NDRG3: variants seen among roughly 807,000 people sequenced by gnomAD.
The protein encoded by NDRG3 is protein NDRG3.
NDRG3 carries 23 observed loss-of-function variants against 57.2 expected under a neutral mutation model. The observed-to-expected ratio is 0.40, with a 90% CI of 0.29 to 0.57. NDRG3 has a LOEUF of 0.57. Among genes scored for constraint, NDRG3 ranks in the 20% least tolerant of loss-of-function variants. The probability of loss-of-function intolerance (pLI) is 0.42; values close to 1 mark genes in which losing one functional copy is unlikely to be tolerated. For synonymous variants in NDRG3, 132 were observed against 162.6 expected, an observed-to-expected ratio of 0.81 and a Z score of 1.43; for missense variants, 384 against 457.3, an observed-to-expected ratio of 0.84 and a Z score of 1.46.
At chr20:36,744,402 G>A (rs1986084930) in intron 1 of NDRG3, among the ~76,000 whole-genome samples, 1 of 152,104 alleles carries the variant, frequency 6.6e-6, no homozygotes, top group Admixed American at 6.6e-5. Context: ...AGGGGGGGTG[G>A]AAATTAACTG....
At chr20:36,660,273 C>G in intron 13 of NDRG3, 64 bp downstream of exon 13, 1 of 1,269,488 alleles carries the variant, frequency 7.9e-7, no homozygotes, top group South Asian at 1.3e-5. Flanking sequence ...AGCAATTATT[C>G]CAGAAAATAT....
At chr20:36,686,989 C>T (rs899552365) in intron 5 of NDRG3, among the ~76,000 whole-genome samples, 10 of 151,942 alleles carry the variant, frequency 6.6e-5, no homozygotes, top group Admixed American at 1.3e-4. Flanking sequence ...CAAGCAGACA[C>T]GACCACAGGT....
chr20:36,712,791 T>TAAA (rs1245787682), intron 2 of NDRG3, among the ~76,000 whole-genome samples: 13 of 151,492 alleles, frequency 8.6e-5, no homozygotes, highest in Non-Finnish European at 1.3e-4. Flanking sequence ...GGACAGGGTT[T>TAAA]CACCATGTTG....
At chr20:36,724,404 C>G (rs1431332484) in intron 1 of NDRG3, among the ~76,000 whole-genome samples, 1 of 152,108 alleles carries the variant, frequency 6.6e-6, no homozygotes, top group Non-Finnish European at 1.5e-5. Flanking sequence ...GAAGTTGAAT[C>G]TTTTTTTGTT....
chr20:36,659,679 C>A (rs1299328699), intron 13 of NDRG3, among the ~76,000 whole-genome samples: 1 of 152,000 alleles, frequency 6.6e-6, no homozygotes, highest in Non-Finnish European at 1.5e-5. Flanking sequence ...CAGCTCACTG[C>A]AACCTCCGCC....
At chr20:36,733,164 AAAAAAAAATATATATATATATAT>A (rs1380675190) in intron 1 of NDRG3, among the ~76,000 whole-genome samples, 11 of 51,394 alleles carry the variant, frequency 2.1e-4, no homozygotes, top group Non-Finnish European at 4.2e-4. Context: ...AAAAAAAAAA[AAAAAAAAATATATATATATATAT>A]ATATATATAT....
At chr20:36,674,437 A>C (rs1238303034) in intron 8 of NDRG3, among the ~76,000 whole-genome samples, 1 of 151,870 alleles carries the variant, frequency 6.6e-6, no homozygotes, top group African/African-American at 2.4e-5. Flanking sequence ...TTCTGACCTC[A>C]GGTGATCCGC....
intron 8 of NDRG3, among the ~76,000 whole-genome samples, chr20:36,674,595 CTTTTT>C (rs561643631): frequency 1.7e-5 from 2 of 116,852 alleles, no homozygotes; most frequent in Admixed American, 1.8e-4. Context: ...ATCAATAAAG[CTTTTT>C]TTTTTTTTTT....
chr20:36,681,986 C>T (rs768907222), intron 7 of NDRG3, among the ~76,000 whole-genome samples: 4 of 152,156 alleles, frequency 2.6e-5, no homozygotes, highest in African/African-American at 4.8e-5. Flanking sequence ...GCGTGAGCCA[C>T]CGTGCCTGGT....
intron 1 of NDRG3, among the ~76,000 whole-genome samples, chr20:36,728,731 G>T (rs369732465): frequency 1.5e-4 from 22 of 151,184 alleles, no homozygotes; most frequent in East Asian, 9.8e-4. Flanking sequence ...TGTTTTTTTG[G>T]GGGGGAGGTT....
intron 3 of NDRG3, 106 bp downstream of exon 3, chr20:36,706,865 AT>A: frequency 2.1e-6 from 2 of 938,484 alleles, no homozygotes; most frequent in Non-Finnish European, 3.3e-6. Context: ...TTAAGGACTC[AT>A]TATTAGCTAT....
intron 3 of NDRG3, among the ~76,000 whole-genome samples, chr20:36,694,467 T>C (rs1489736307): frequency 6.6e-6 from 1 of 152,206 alleles, no homozygotes; most frequent in African/African-American, 2.4e-5. Flanking sequence ...TTCTTCTACA[T>C]ATTCCTCATT....
chr20:36,733,146 C>CAAAAAA (rs141850127), intron 1 of NDRG3, among the ~76,000 whole-genome samples: 13 of 38,968 alleles, frequency 3.3e-4, no homozygotes, highest in Admixed American at 8.1e-4. Flanking sequence ...GATCCTGTCT[C>CAAAAAA]AAAAAAAAAA....
chr20:36,668,971 G>A (rs221312), intron 9 of NDRG3, among the ~76,000 whole-genome samples: 2,531 of 151,842 alleles, frequency 0.017, 27 homozygotes, highest in Middle Eastern at 0.044. Context: ...GGCTGGTCTC[G>A]AATTATGGGC....
intron 1 of NDRG3, among the ~76,000 whole-genome samples, chr20:36,737,332 G>T (rs995900410): frequency 2.0e-4 from 31 of 152,080 alleles, no homozygotes; most frequent in African/African-American, 7.2e-4. Context: ...GCAAAGCCCT[G>T]GGGTGTGCTC....
intron 2 of NDRG3, among the ~76,000 whole-genome samples, chr20:36,718,365 G>C (rs536083901): frequency 1.3e-5 from 2 of 152,296 alleles, no homozygotes; most frequent in South Asian, 4.1e-4. Context: ...CTCAGGGAGA[G>C]AAAGGAGTAA....
At chr20:36,694,483 G>A (rs910973941) in intron 3 of NDRG3, among the ~76,000 whole-genome samples, 1 of 152,124 alleles carries the variant, frequency 6.6e-6, no homozygotes, top group African/African-American at 2.4e-5. Flanking sequence ...TCATTGCCTG[G>A]CACTGGTTCA....
chr20:36,684,499 T>C (rs907094287), intron 5 of NDRG3, 24 bp from the exon 6 acceptor site: 19 of 1,603,990 alleles, frequency 1.2e-5, no homozygotes, highest in Non-Finnish European at 1.5e-5. Context: ...GGATATCTCC[T>C]GAATTAGAAA....
At chr20:36,672,798 C>T (rs1256797238) in intron 8 of NDRG3, among the ~76,000 whole-genome samples, 2 of 151,480 alleles carry the variant, frequency 1.3e-5, no homozygotes, top group East Asian at 1.9e-4. Flanking sequence ...CACTGCACTC[C>T]GCCCTGGGCA....
Sources: gnomAD v4.1 joint callset for allele counts (sites outside exome capture counted in the v4.1 genomes callset) on GRCh38, gnomAD v4.1.1 for gene constraint, MANE v1.5 for transcripts, NCBI Gene and HGNC (gene_info 2026-07-23, HGNC 2026-07-21) for gene names.